The following SHISAL2A variants were observed in gnomAD, a reference collection of about 807,000 sequenced individuals.
The protein encoded by SHISAL2A is protein shisa-like-2A.
In SHISAL2A, 18 loss-of-function variants were observed where a neutral mutation model predicts 11.5. That is an observed-to-expected ratio of 1.57 (90% CI 1.08 to 2.33). The LOEUF (loss-of-function observed/expected upper bound fraction) is 2.33, where lower values mean the gene tolerates loss of function less well. Among genes scored for constraint, SHISAL2A ranks in the 30% most tolerant of loss-of-function variants. SHISAL2A has a pLI of 0.00. For synonymous variants in SHISAL2A, 94 were observed against 99.6 expected (o/e 0.94, Z 0.34); for missense variants, 261 against 250.9 (o/e 1.04, Z -0.27).
chr1:52,647,554 G>C (rs2149882317), intron 2 of SHISAL2A, among the ~76,000 whole-genome samples: 1 of 152,166 alleles, frequency 6.6e-6, no homozygotes, highest in African/African-American at 2.4e-5. Flanking sequence ...ATTCAAAAAT[G>C]ATACATCCAG....
At chr1:52,656,023 G>C (rs1378671999) in intron 2 of SHISAL2A, among the ~76,000 whole-genome samples, 1 of 152,172 alleles carries the variant, frequency 6.6e-6, no homozygotes, top group East Asian at 1.9e-4. Flanking sequence ...GGTAGAAGGT[G>C]TGAGAGATGA....
At position 52,633,529 on chromosome 1, in the gene SHISAL2A, G is replaced by A. The variant is rs373019810; in HGVS notation, c.36G>A (p.Glu12=). The A allele has an allele frequency of 1.6e-5, 25 of 1,599,432 alleles. No homozygotes were observed. The highest frequency in any genetic ancestry group is 1.4e-4 in the Admixed American group (8 of 58,308). Residue 12 remains glutamate (E), a synonymous_variant, in exon 1 of 3, where the codon GAG becomes GAA. Coordinates refer to ENST00000517870, the MANE Select transcript of SHISAL2A (RefSeq NM_001042693.3). The surrounding 1 kb of genome is among the most constrained non-coding windows in gnomAD (Gnocchi z 6.4). The part of the protein sequence containing the change: ...SGACTSYVSA[E]QEVVRGFSCP... ...CCTGCACGAGCTACGTGAGCGCAGA[G>A]CAGGAGGTGGTGCGCGGCTTCAGCT...
At chr1:52,659,669 A>G (rs779146087), downstream of SHISAL2A, 5 of 152,422 alleles carry the variant, frequency 3.3e-5, no homozygotes, top group Non-Finnish European at 5.9e-5. Flanking sequence ...CCTGCAAGTT[A>G]TTTGTTATAG....
At chr1:52,651,380 GC>G (rs1691642911) in intron 2 of SHISAL2A, among the ~76,000 whole-genome samples, 1 of 151,530 alleles carries the variant, frequency 6.6e-6, no homozygotes, top group African/African-American at 2.4e-5. Flanking sequence ...GGGATTACAG[GC>G]CCCTGCCATC....
Position 52,633,531 on chromosome 1 carries a change from A to C in SHISAL2A, c.38A>C (p.Gln13Pro), listed in dbSNP as rs746067726. The change falls in exon 1 of 3, where the codon CAG (glutamine) becomes CCG (proline). Residue 13 changes from glutamine to proline, a missense_variant. Physicochemically the swap from Gln to Pro is moderately conservative, Grantham distance 76. Coordinates refer to ENST00000517870, the MANE Select transcript of SHISAL2A (RefSeq NM_001042693.3). This position sits in a 1 kb window ranked among gnomAD's most constrained non-coding sequence, Gnocchi z 6.4. Reference protein sequence around the residue: ...GACTSYVSAEQEVVRGFSCPR... With the variant: ...GACTSYVSAEPEVVRGFSCPR... ...TGCACGAGCTACGTGAGCGCAGAGC[A>C]GGAGGTGGTGCGCGGCTTCAGCTGC... The C allele has an allele frequency of 3.7e-6, 6 of 1,601,754 alleles. No individual in the cohort carries two copies. Among genetic ancestry groups the C allele is most frequent in the Non-Finnish European group, 5.1e-6 (6 of 1,175,208 alleles).
downstream of SHISAL2A, among the ~76,000 whole-genome samples, chr1:52,659,130 A>G (rs1691857054): frequency 6.6e-6 from 1 of 151,288 alleles, no homozygotes; most frequent in East Asian, 1.9e-4. Context: ...TGCAGTGGAG[A>G]TCATAGCTCA....
chr1:52,640,990 G>C (rs1042380087), intron 1 of SHISAL2A, among the ~76,000 whole-genome samples: 1 of 152,134 alleles, frequency 6.6e-6, no homozygotes, highest in Non-Finnish European at 1.5e-5. Context: ...ATGTAATGAA[G>C]CCTCCATAAA....
intron 2 of SHISAL2A, among the ~76,000 whole-genome samples, chr1:52,656,187 G>T (rs925425831): frequency 6.6e-6 from 1 of 152,182 alleles, no homozygotes; most frequent in Non-Finnish European, 1.5e-5. Context: ...AATAAATAAT[G>T]TTAAATGTTC....
rs774233857 is a variant in SHISAL2A at position 52,633,630 on chromosome 1, C to A, written c.137C>A (p.Pro46Gln). ...GACCACAAGTACTGCTGCGACGACC[C>A]GCACAGCTTCTTCCCCTACGAGCAC... ...FRDHKYCCDD[P>Q]HSFFPYEHSY... The change falls in exon 1 of 3, where the codon CCG becomes CAG. Residue 46 changes from proline (P) to glutamine (Q), a missense_variant. Physicochemically the swap from Pro to Gln is moderately conservative, Grantham distance 76. Coordinates refer to ENST00000517870, the MANE Select transcript of SHISAL2A (RefSeq NM_001042693.3). The surrounding 1 kb of genome is among the most constrained non-coding windows in gnomAD (Gnocchi z 6.4). 4.3e-6 allele frequency: 7 copies of A among 1,613,194 alleles called. No homozygotes were observed. Among genetic ancestry groups the A allele is most frequent in the Non-Finnish European group, 5.9e-6 (7 of 1,179,590 alleles).
chr1:52,652,482 A>T (rs895793182), intron 2 of SHISAL2A, among the ~76,000 whole-genome samples: 8 of 152,036 alleles, frequency 5.3e-5, no homozygotes, highest in Non-Finnish European at 1.0e-4. Flanking sequence ...TTTGTTTTTT[A>T]AAAAAGCACC....
upstream of SHISAL2A, among the ~76,000 whole-genome samples, chr1:52,633,154 C>T (rs1174674513): frequency 6.6e-6 from 1 of 152,170 alleles, no homozygotes; most frequent in East Asian, 1.9e-4. The surrounding 1 kb of genome is among the most constrained non-coding windows in gnomAD (Gnocchi z 6.4). Flanking sequence ...GGGGAGGGGG[C>T]AGGAAGCGCA....
intron 4 of SHISAL2A, among the ~76,000 whole-genome samples, chr1:52,666,553 T>C (rs1692016587): frequency 6.6e-6 from 1 of 151,728 alleles, no homozygotes; most frequent in Admixed American, 6.6e-5. Flanking sequence ...TCATTTTACT[T>C]CTCTGAACTT....
At chr1:52,640,515 G>A (rs573549699) in intron 1 of SHISAL2A, among the ~76,000 whole-genome samples, 2 of 152,100 alleles carry the variant, frequency 1.3e-5, no homozygotes, top group South Asian at 4.2e-4. Flanking sequence ...TGTAATCCCA[G>A]CACTTTGGGA....
chr1:52,637,547 C>T (rs1227851766), intron 1 of SHISAL2A, among the ~76,000 whole-genome samples: 3 of 152,172 alleles, frequency 2.0e-5, no homozygotes, highest in Non-Finnish European at 4.4e-5. Context: ...CCGTCTGGTC[C>T]ACTTGCCAAA....
At chr1:52,661,616 G>T (rs889108819), downstream of SHISAL2A, among the ~76,000 whole-genome samples, 3 of 152,332 alleles carry the variant, frequency 2.0e-5, no homozygotes, top group African/African-American at 7.2e-5. Context: ...TCACAGGGGT[G>T]TGAAGGGCTC....
At chr1:52,662,102 G>T (rs1177462818) in intron 4 of SHISAL2A, among the ~76,000 whole-genome samples, 4 of 152,042 alleles carry the variant, frequency 2.6e-5, no homozygotes, top group African/African-American at 7.2e-5. Flanking sequence ...ATGAAGAGTA[G>T]GTTTGACCCG....
At chr1:52,644,447 G>A (rs540278187) in intron 2 of SHISAL2A, among the ~76,000 whole-genome samples, 23 of 152,340 alleles carry the variant, frequency 1.5e-4, no homozygotes, top group Admixed American at 1.0e-3. Flanking sequence ...GGTGACAGCC[G>A]GTTGTAGTGG....
At chr1:52,656,509 T>C (rs1455128544) in intron 2 of SHISAL2A, among the ~76,000 whole-genome samples, 1 of 152,234 alleles carries the variant, frequency 6.6e-6, no homozygotes, top group Non-Finnish European at 1.5e-5. Context: ...GGATTTCTAA[T>C]AGTACCTACC....
In SHISAL2A at chr1:52,639,275, A is replaced by G. The variant is rs185288661; in HGVS notation, c.183-3588A>G. ...AGACAGGACATCCACATCCTGAACT[A>G]TACCCAGAGACAGCCTGTTAGTTGG... On this transcript the variant is annotated intron_variant, in intron 1 of 2. Coordinates refer to ENST00000517870, the MANE Select transcript of SHISAL2A (RefSeq NM_001042693.3). Among the ~76,000 whole-genome samples, 6 of 152,308 alleles carry G rather than the reference A, an allele frequency of 3.9e-5. No homozygotes were observed. The East Asian group carries it at 7.7e-4, about 20-fold the overall frequency.
Sources: gnomAD v4.1 joint callset for allele counts (sites outside exome capture counted in the v4.1 genomes callset) on GRCh38, gnomAD v4.1.1 for gene constraint, Gnocchi (gnomAD v3.1) non-coding constraint, MANE v1.5 for transcripts, NCBI Gene and HGNC (gene_info 2026-07-23, HGNC 2026-07-21) for gene names.